The following PTPRG variants were observed in gnomAD, a reference collection of about 807,000 sequenced individuals.
PTPRG encodes the protein protein tyrosine phosphatase receptor type G.
PTPRG carries 102 observed loss-of-function variants against 165.3 expected under a neutral mutation model. The ratio of observed to expected loss-of-function variants is 0.62; its 90% CI spans 0.53 to 0.73. The LOEUF (loss-of-function observed/expected upper bound fraction) is 0.73, where lower values mean the gene tolerates loss of function less well. PTPRG is among the 30% of genes least tolerant of loss of function. The probability of loss-of-function intolerance (pLI) is 0.00; values close to 1 mark genes in which losing one functional copy is unlikely to be tolerated. For synonymous variants in PTPRG, 675 were observed against 669.5 expected, an observed-to-expected ratio of 1.01 and a Z score of -0.13; for missense variants, 1,866 against 1,861.4, an observed-to-expected ratio of 1.00 and a Z score of -0.05.
At chr3:62,289,060 G>A (rs1306708831) in intron 28 of PTPRG, among the ~76,000 whole-genome samples, 1 of 152,208 alleles carries the variant, frequency 6.6e-6, no homozygotes, top group Non-Finnish European at 1.5e-5. Context: ...GGTATGTGGT[G>A]TGTGCCAATC....
At chr3:62,052,204 A>C (rs1375187550) in intron 4 of PTPRG, among the ~76,000 whole-genome samples, 2 of 152,230 alleles carry the variant, frequency 1.3e-5, no homozygotes, top group Non-Finnish European at 2.9e-5. Context: ...TTAGCACGAT[A>C]CTTTAAAATG....
chr3:61,803,289 G>A (rs974413163), intron 2 of PTPRG, among the ~76,000 whole-genome samples: 4 of 152,092 alleles, frequency 2.6e-5, no homozygotes, highest in African/African-American at 9.7e-5. Flanking sequence ...CTCTGCAATA[G>A]CATCATTTCA....
chr3:61,691,957 A>C (rs2030243693), intron 1 of PTPRG, among the ~76,000 whole-genome samples: 1 of 152,244 alleles, frequency 6.6e-6, no homozygotes, highest in Admixed American at 6.5e-5. Flanking sequence ...GGTCGAAGAC[A>C]AATACATTTT....
intron 4 of PTPRG, among the ~76,000 whole-genome samples, chr3:62,067,728 G>C (rs1298974331): frequency 6.6e-6 from 1 of 152,124 alleles, no homozygotes; most frequent in Non-Finnish European, 1.5e-5. Context: ...TTACGCTCCT[G>C]TGAGAATCTA....
At position 62,005,548 on chromosome 3, in the gene PTPRG, G is replaced by C. The variant is rs953800981; in HGVS notation, c.519+2051G>C. On this transcript the variant is annotated intron_variant, in intron 4 of 29. Transcript: ENST00000474889. Reference sequence around the variant, plus strand: ...TCCTGAAAGTTTAAAAACTTAATCAGATGGCTACCTTGGAAAAGAAGACCT... The same window carrying C: ...TCCTGAAAGTTTAAAAACTTAATCACATGGCTACCTTGGAAAAGAAGACCT... Among the ~76,000 whole-genome samples, 6 of 152,190 alleles carry C rather than the reference G, an allele frequency of 3.9e-5. 1 individual carries two copies. The South Asian group carries it at 1.0e-3, about 26-fold the overall frequency.
chr3:62,284,500 C>A (rs1481510832), intron 28 of PTPRG, among the ~76,000 whole-genome samples: 1 of 152,062 alleles, frequency 6.6e-6, no homozygotes, highest in Non-Finnish European at 1.5e-5. Flanking sequence ...ATTCATTTAT[C>A]TACTATCTGT....
intron 5 of PTPRG, among the ~76,000 whole-genome samples, chr3:62,114,517 T>C (rs1702791102): frequency 6.6e-6 from 1 of 152,210 alleles, no homozygotes; most frequent in Non-Finnish European, 1.5e-5. Flanking sequence ...ATGATATTCT[T>C]TCTCTTTCCT....
At chr3:61,783,099 C>G (rs903593156) in intron 2 of PTPRG, among the ~76,000 whole-genome samples, 1 of 152,226 alleles carries the variant, frequency 6.6e-6, no homozygotes, top group African/African-American at 2.4e-5. Flanking sequence ...AGCCAGCACA[C>G]CCAGCTCAGT....
At chr3:61,634,590 A>T (rs184902364) in intron 1 of PTPRG, among the ~76,000 whole-genome samples, 3 of 151,990 alleles carry the variant, frequency 2.0e-5, no homozygotes, top group African/African-American at 7.2e-5. Flanking sequence ...ATTTTATCAA[A>T]TGCTTTTTCT....
At chr3:61,644,723 T>G (rs960673551) in intron 1 of PTPRG, among the ~76,000 whole-genome samples, 1 of 152,240 alleles carries the variant, frequency 6.6e-6, no homozygotes, top group Admixed American at 6.5e-5. Flanking sequence ...TTCTAAGATT[T>G]ATAGAATCCT....
chr3:62,048,634 G>A (rs1700371378), intron 4 of PTPRG, among the ~76,000 whole-genome samples: 1 of 152,158 alleles, frequency 6.6e-6, no homozygotes, highest in Admixed American at 6.5e-5. Context: ...TGTTTTCAGT[G>A]CCTGGGAGTC....
At position 62,225,724 on chromosome 3, in the gene PTPRG, C is replaced by T. The variant is rs188976556; in HGVS notation, c.2289-5501C>T. On this transcript the variant is annotated intron_variant, in intron 13 of 29. Coordinates refer to ENST00000474889, the MANE Select transcript of PTPRG (RefSeq NM_002841.4). Reference sequence around the variant, plus strand: ...AGGCTGTAGTGCAATGGTGTGATCTCGGCTCACTGCACCTCCACCTCCTGG... The same window carrying T: ...AGGCTGTAGTGCAATGGTGTGATCTTGGCTCACTGCACCTCCACCTCCTGG... 3.2e-3 allele frequency among the ~76,000 whole-genome samples: 472 copies of T among 145,252 alleles called. 9 individuals are homozygous for T. The highest frequency in any genetic ancestry group is 0.013 in the South Asian group (59 of 4,484).
At chr3:61,615,836 A>G (rs982766177) in intron 1 of PTPRG, among the ~76,000 whole-genome samples, 4 of 152,216 alleles carry the variant, frequency 2.6e-5, no homozygotes, top group Admixed American at 1.3e-4. Flanking sequence ...TGTCTAGAAC[A>G]AGAAGTTCCA....
At chr3:61,967,996 G>A (rs1040526606) in intron 2 of PTPRG, among the ~76,000 whole-genome samples, 2 of 152,146 alleles carry the variant, frequency 1.3e-5, no homozygotes, top group African/African-American at 4.8e-5. Flanking sequence ...GGGAGATAAA[G>A]GAGGGGAATA....
At chr3:61,948,090 G>A (rs142907280) in intron 2 of PTPRG, among the ~76,000 whole-genome samples, 4,227 of 152,144 alleles carry the variant, frequency 0.028, 162 homozygotes, top group African/African-American at 0.084. Context: ...TTTGGGAGGT[G>A]GAGGCGGGTG....
intron 24 of PTPRG, chr3:62,276,731 A>G (rs989066795): frequency 4.0e-6 from 2 of 494,466 alleles, no homozygotes; most frequent in African/African-American, 4.0e-5. Context: ...CTGCTGTAAA[A>G]ATCTCTCCCA....
intron 7 of PTPRG, among the ~76,000 whole-genome samples, chr3:62,161,932 A>C (rs1336256482): frequency 2.6e-5 from 4 of 152,188 alleles, no homozygotes; most frequent in African/African-American, 9.7e-5. Context: ...GAGATTTTCC[A>C]GTTTCTAGTT....
chr3:61,864,436 C>T (rs2037351911), intron 2 of PTPRG, among the ~76,000 whole-genome samples: 1 of 151,864 alleles, frequency 6.6e-6, no homozygotes, highest in South Asian at 2.1e-4. Flanking sequence ...TATGGAGAAT[C>T]CCGGGCTTCT....
intron 15 of PTPRG, among the ~76,000 whole-genome samples, chr3:62,247,560 C>G (rs181544512): frequency 6.6e-6 from 1 of 152,242 alleles, no homozygotes; most frequent in East Asian, 1.9e-4. Context: ...TCTCCCCTCT[C>G]ATCTCTGTTC....
Sources: gnomAD v4.1 joint callset for allele counts (sites outside exome capture counted in the v4.1 genomes callset) on GRCh38, gnomAD v4.1.1 for gene constraint, MANE v1.5 for transcripts, NCBI Gene and HGNC (gene_info 2026-07-23, HGNC 2026-07-21) for gene names.